COPG1: variants seen among roughly 807,000 people sequenced by gnomAD.
COPG1 encodes coatomer subunit gamma-1.
A neutral mutation model predicts 102.8 loss-of-function variants in COPG1; 29 were observed. The ratio of observed to expected loss-of-function variants is 0.28; its 90% CI spans 0.21 to 0.38. The LOEUF (loss-of-function observed/expected upper bound fraction) is 0.38. COPG1 is among the 10% of genes least tolerant of loss of function. The pLI is 1.00. For missense variants in COPG1, 875 were observed against 1,132.7 expected (o/e 0.77, Z 3.27); for synonymous variants, 406 against 421.6 (o/e 0.96, Z 0.45).
In COPG1 at chr3:129,267,094, G is replaced by A; in HGVS notation, c.1539G>A (p.Leu513=). The part of the protein sequence containing the change: ...EEMLPSILVL[L]KRCVMDDDNE... ...TGTTACCCAGTATCTTGGTGTTGCT[G>A]AAGAGGTGAGTCTAGGCCCAGGGGC... Residue 513 remains leucine, a synonymous_variant, in exon 15 of 24, where the codon CTG becomes CTA. Coordinates refer to ENST00000314797, the MANE Select transcript of COPG1 (RefSeq NM_016128.4). 6.2e-7 allele frequency: 1 copy of A among 1,613,620 alleles called. No individual in the cohort carries two copies.
intron 2 of COPG1, 190 bp downstream of exon 2, chr3:129,250,924 T>TTAA (rs1939681638): frequency 3.8e-6 from 2 of 526,138 alleles, no homozygotes; most frequent in South Asian, 4.3e-5. Context: ...TTTTTTTTTT[T>TTAA]TTTTTTTTTT....
chr3:129,273,747 A>G (rs1940221644), intron 21 of COPG1, among the ~76,000 whole-genome samples: 1 of 152,204 alleles, frequency 6.6e-6, no homozygotes, highest in Non-Finnish European at 1.5e-5. Context: ...TAGAAGGAGA[A>G]TAGTTGGGTC....
At position 129,277,262 on chromosome 3, in the gene COPG1, G is replaced by A. The variant is rs182062904; in HGVS notation, c.2495-32G>A. The A allele has an allele frequency of 5.1e-5, 82 of 1,612,276 alleles. No individual in the cohort carries two copies. The African/African-American group carries it at 8.9e-4, about 18-fold the overall frequency. ...CCTGCCCTGTACAGTCCCTTCTGCTGTATATATCTGTACTTCTCTCTTCCC... is the reference window on the plus strand; with the variant it reads ...CCTGCCCTGTACAGTCCCTTCTGCTATATATATCTGTACTTCTCTCTTCCC... On this transcript the variant is annotated intron_variant, in intron 23 of 23. Transcript: ENST00000314797.
intron 2 of COPG1, among the ~76,000 whole-genome samples, chr3:129,251,641 C>T (rs925348655): frequency 2.0e-5 from 3 of 151,592 alleles, no homozygotes; most frequent in Non-Finnish European, 4.4e-5. Flanking sequence ...CCGCCTCGGC[C>T]TCCCAAAGTG....
intron 23 of COPG1, among the ~76,000 whole-genome samples, chr3:129,276,381 C>G (rs1000521405): frequency 2.5e-4 from 38 of 152,226 alleles, no homozygotes; most frequent in Middle Eastern, 3.2e-3. Context: ...CCAGAAATAG[C>G]ATTTTATATG....
Position 129,268,029 on chromosome 3 carries a change from A to C in COPG1, c.1637A>C (p.Tyr546Ser), listed in dbSNP as rs761460264. The change falls in exon 16 of 24, where the codon TAT becomes TCT. Residue 546 changes from tyrosine (Y) to serine (S), a missense_variant. Transcript: ENST00000314797. ...EQKQKALNAG[Y>S]ILNGLTVSIP... ...AAGCAGAAGGCCCTTAATGCAGGCT[A>C]TATCCTAAATGGTGAGTCATTCCCT... The C allele has an allele frequency of 6.2e-7, 1 of 1,613,484 alleles. No homozygotes were observed. The highest frequency in any genetic ancestry group is 8.5e-7 in the Non-Finnish European group (1 of 1,179,484).
intron 21 of COPG1, among the ~76,000 whole-genome samples, chr3:129,273,901 A>G (rs1434001562): frequency 6.6e-6 from 1 of 152,140 alleles, no homozygotes; most frequent in African/African-American, 2.4e-5. Context: ...CGGTGGAACT[A>G]AGTACAGGAT....
intron 2 of COPG1, chr3:129,250,939 T>C (rs1319941859): frequency 7.2e-5 from 29 of 402,268 alleles, no homozygotes; most frequent in Admixed American, 4.8e-4. Flanking sequence ...TTTTTTTTTT[T>C]CTGAGACAGA....
Position 129,271,365 on chromosome 3 carries a change from T to C in COPG1, c.1844-402T>C, listed in dbSNP as rs1448661331. Among the ~76,000 whole-genome samples the C allele has an allele frequency of 6.6e-6, 1 of 152,266 alleles. No homozygotes were observed. The highest frequency in any genetic ancestry group is 1.5e-5 in the Non-Finnish European group (1 of 68,052). On this transcript the variant is annotated intron_variant, in intron 18 of 23. Coordinates refer to ENST00000314797, the MANE Select transcript of COPG1 (RefSeq NM_016128.4). The surrounding 1 kb of genome is among the most constrained non-coding windows in gnomAD (Gnocchi z 4.7). ...CAGTTTGTTATTTTGTCTGATTTTG[T>C]AGCTATAGCAGTATCGATCTTATTT...
At position 129,277,358 on chromosome 3, in the gene COPG1, A is replaced by C; in HGVS notation, c.2559A>C (p.Thr853=). Residue 853 remains threonine, a synonymous_variant, in exon 24 of 24, where the codon ACA becomes ACC. Transcript: ENST00000314797. ...GGCTGCTGCTTTTGGACACAGTGAC[A>C]ATGCAGGTGACAGCCAGAAGTTTGG... is the stretch of plus-strand genomic sequence containing the variant. ...RSRLLLLDTV[T]MQVTARSLEE... is the part of the protein sequence containing the mutation. The C allele has an allele frequency of 6.2e-7, 1 of 1,613,994 alleles. No homozygotes were observed. Among genetic ancestry groups the C allele is most frequent in the Non-Finnish European group, 8.5e-7 (1 of 1,179,980 alleles).
chr3:129,263,122 G>A (rs1270690235), intron 12 of COPG1, among the ~76,000 whole-genome samples: 3 of 152,246 alleles, frequency 2.0e-5, no homozygotes, highest in Non-Finnish European at 2.9e-5. Flanking sequence ...CTGAACCGGC[G>A]GGAGTAGGAG....
At chr3:129,260,059 G>A (rs370508425) in intron 10 of COPG1, among the ~76,000 whole-genome samples, 15 of 152,160 alleles carry the variant, frequency 9.9e-5, no homozygotes, top group East Asian at 3.8e-4. Flanking sequence ...CTATAGAAGT[G>A]AGGCATGTCC....
rs763080581 is a variant in COPG1 at position 129,277,333 on chromosome 3, G to A, written c.2534G>A (p.Arg845Gln). 1.1e-5 allele frequency: 17 copies of A among 1,613,766 alleles called. No homozygotes were observed. The highest frequency in any genetic ancestry group is 4.0e-5 in the African/African-American group (3 of 74,854). Reference sequence around the variant, plus strand: ...GGTCATGACATCCTGGTGCGCTCCCGGCTGCTGCTTTTGGACACAGTGACA... The same window carrying A: ...GGTCATGACATCCTGGTGCGCTCCCAGCTGCTGCTTTTGGACACAGTGACA... Reference protein sequence around the residue: ...RGGHDILVRSRLLLLDTVTMQ... With the variant: ...RGGHDILVRSQLLLLDTVTMQ... The change falls in exon 24 of 24, where the codon CGG becomes CAG. Residue 845 changes from arginine to glutamine, a missense_variant. By Grantham distance (43) the Arg-to-Gln change is conservative. Transcript: ENST00000314797.
intron 1 of COPG1, among the ~76,000 whole-genome samples, 154 bp from the exon 2 acceptor site, chr3:129,250,528 A>T (rs1221268721): frequency 6.6e-6 from 1 of 152,190 alleles, no homozygotes; most frequent in East Asian, 1.9e-4. Context: ...GACTAGTAGG[A>T]TCCCTAGACA....
chr3:129,267,970 C>T lies in COPG1; in HGVS notation c.1578C>T (p.Asp526=). The change falls in exon 16 of 24, where the codon GAC becomes GAT. Residue 526 remains aspartate (D), a synonymous_variant. Transcript: ENST00000314797. ...CVMDDDNEVR[D]RATFYLNVLE... The stretch of plus-strand genomic sequence containing the variant: ...TGGATGATGACAATGAAGTAAGGGA[C>T]CGAGCCACCTTCTACCTAAATGTCC... The T allele has an allele frequency of 1.2e-6, 2 of 1,614,084 alleles. No individual in the cohort carries two copies. The highest frequency in any genetic ancestry group is 1.7e-6 in the Non-Finnish European group (2 of 1,179,994).
chr3:129,271,799 C>T lies in COPG1; in HGVS notation c.1876C>T (p.Leu626Phe). 6.2e-7 allele frequency: 1 copy of T among 1,614,196 alleles called. No individual in the cohort carries two copies. The highest frequency in any genetic ancestry group is 8.5e-7 in the Non-Finnish European group (1 of 1,180,040). The change falls in exon 19 of 24, where the codon CTT becomes TTT. Residue 626 changes from leucine to phenylalanine, a missense_variant. Leu to Phe is a conservative substitution (Grantham distance 22). Transcript: ENST00000314797. This position sits in a 1 kb window ranked among gnomAD's most constrained non-coding sequence, Gnocchi z 4.7. ...QLAAVPEFRG[L>F]GPLFKSSPEP... ...GGCAGCAGTGCCAGAGTTCCGCGGT[C>T]TTGGGCCCCTCTTCAAGTCCTCGCC...
chr3:129,270,329 T>A (rs1188187592), intron 18 of COPG1, among the ~76,000 whole-genome samples: 7 of 152,122 alleles, frequency 4.6e-5, no homozygotes, highest in Admixed American at 4.6e-4. Flanking sequence ...AGCCTCACAT[T>A]TACTAATCAC....
chr3:129,250,946 C>T, intron 2 of COPG1: 1 of 418,472 alleles, frequency 2.4e-6, no homozygotes, highest in South Asian at 2.2e-5. Context: ...TTTTCTGAGA[C>T]AGAGTCTTGC....
rs371459257 is a variant in COPG1 at position 129,264,947 on chromosome 3, G to A, written c.1225-602G>A. 2.0e-4 allele frequency among the ~76,000 whole-genome samples: 30 copies of A among 150,660 alleles called. 5 individuals carry two copies. The highest frequency in any genetic ancestry group is 9.3e-4 in the Admixed American group (14 of 15,084). On this transcript the variant is annotated intron_variant, in intron 13 of 23. Transcript: ENST00000314797. ...AGTGATTCTCCTGCCTCAGCCTCCC[G>A]AGTACCTAGGACTACAGGTGCCCCC... is the stretch of plus-strand genomic sequence containing the variant.
Sources: allele counts gnomAD v4.1 joint callset (sites outside exome capture counted in the v4.1 genomes callset), GRCh38; gene constraint gnomAD v4.1.1; non-coding constraint Gnocchi (gnomAD v3.1); transcripts MANE v1.5; gene names NCBI Gene and HGNC (gene_info 2026-07-23, HGNC 2026-07-21).